KLF8: variants seen among roughly 807,000 people sequenced by gnomAD.
The protein encoded by KLF8 is Krueppel-like factor 8.
In KLF8, 10 loss-of-function variants were observed where a neutral mutation model predicts 18.2. That is an observed-to-expected ratio of 0.55 (90% CI 0.34 to 0.93). KLF8 has a LOEUF of 0.93. KLF8 is among the 40% of genes least tolerant of loss of function. The pLI, the probability that KLF8 is intolerant of heterozygous loss-of-function variation, is 0.02. For missense variants in KLF8, 264 were observed against 277.9 expected, an observed-to-expected ratio of 0.95 and a Z score of 0.36; for synonymous variants, 109 against 97.3, an observed-to-expected ratio of 1.12 and a Z score of -0.71.
the KLF8 span, among the ~76,000 whole-genome samples, chrX:55,981,073 A>C: frequency 8.9e-6 from 1 of 111,744 alleles, no homozygotes; most frequent in Non-Finnish European, 1.9e-5. Flanking sequence ...TGTGCCTATA[A>C]TCCAAGCTAC....
At chrX:55,993,978 T>G in the KLF8 span, among the ~76,000 whole-genome samples, 1 of 105,489 alleles carries the variant, frequency 9.5e-6, no homozygotes, top group African/African-American at 3.5e-5. Context: ...TGGTGCGATC[T>G]CAGCTCACTG....
the KLF8 span, among the ~76,000 whole-genome samples, chrX:55,980,523 T>C: frequency 5.4e-5 from 6 of 112,121 alleles, no homozygotes; most frequent in African/African-American, 1.9e-4. Context: ...ACATCCATTC[T>C]GATTGGTCAG....
chrX:56,214,181 G>A, the KLF8 span, among the ~76,000 whole-genome samples: 1 of 110,824 alleles, frequency 9.0e-6, no homozygotes, highest in Non-Finnish European at 1.9e-5. Flanking sequence ...TGGGGGGTGA[G>A]GGGGGCCAGA....
chrX:56,150,326 C>T, the KLF8 span, among the ~76,000 whole-genome samples: 4 of 111,479 alleles, frequency 3.6e-5, no homozygotes, highest in Non-Finnish European at 7.5e-5. Context: ...TTTCTCCCTG[C>T]CCTAACCTTA....
the KLF8 span, among the ~76,000 whole-genome samples, chrX:56,164,729 C>CTTTTTTTTTTTTTTTTTATTTT: frequency 5.8e-5 from 3 of 51,920 alleles, no homozygotes; most frequent in African/African-American, 1.7e-4. Context: ...CTTGTTATCT[C>CTTTTTTTTTTTTTTTTTATTTT]TTTTTTTTTT....
chrX:56,283,272 C>T (rs978707046), intron 5 of KLF8, among the ~76,000 whole-genome samples: 1 of 112,253 alleles, frequency 8.9e-6, no homozygotes, highest in Non-Finnish European at 1.9e-5. Context: ...CCATTACATG[C>T]CCTTGAGTTT....
chrX:56,152,534 C>A, the KLF8 span, among the ~76,000 whole-genome samples: 1 of 111,034 alleles, frequency 9.0e-6, no homozygotes, highest in South Asian at 3.8e-4. Flanking sequence ...GGAGGGATGG[C>A]AAATACATTG....
chrX:56,136,739 C>A, the KLF8 span, among the ~76,000 whole-genome samples: 5 of 111,040 alleles, frequency 4.5e-5, no homozygotes, highest in Middle Eastern at 4.6e-3. Context: ...GCAACAAAAG[C>A]CAAAATTGAC....
the KLF8 span, among the ~76,000 whole-genome samples, chrX:55,968,472 G>A: frequency 1.8e-5 from 2 of 111,975 alleles, no homozygotes; most frequent in African/African-American, 6.5e-5. Context: ...GATTTTTAAG[G>A]TGAAAAGTAT....
At chrX:55,986,051 G>C in the KLF8 span, among the ~76,000 whole-genome samples, 1 of 111,358 alleles carries the variant, frequency 9.0e-6, no homozygotes, top group Admixed American at 9.6e-5. Flanking sequence ...GAGATGATGC[G>C]GTTTTCTAGA....
the KLF8 span, among the ~76,000 whole-genome samples, chrX:56,159,591 C>T: frequency 8.9e-6 from 1 of 112,260 alleles, no homozygotes; most frequent in Non-Finnish European, 1.9e-5. Flanking sequence ...TTCAGAGATT[C>T]AACTTCTTCC....
chrX:56,283,496 TG>T (rs1479769897), intron 5 of KLF8, among the ~76,000 whole-genome samples: 1 of 111,603 alleles, frequency 9.0e-6, no homozygotes, highest in Non-Finnish European at 1.9e-5. Context: ...CTCAGCCTCC[TG>T]GGTAGCTGGA....
At chrX:56,004,416 G>T in the KLF8 span, among the ~76,000 whole-genome samples, 1 of 112,102 alleles carries the variant, frequency 8.9e-6, no homozygotes, top group Non-Finnish European at 1.9e-5. Context: ...CAAAGAATAA[G>T]AAAACCACAA....
At chrX:56,057,673 G>T in the KLF8 span, among the ~76,000 whole-genome samples, 2 of 111,078 alleles carry the variant, frequency 1.8e-5, no homozygotes, top group African/African-American at 6.6e-5. Flanking sequence ...GAAATTAAGG[G>T]GTGCTCATGT....
At chrX:56,047,970 A>G in the KLF8 span, among the ~76,000 whole-genome samples, 1 of 111,920 alleles carries the variant, frequency 8.9e-6, no homozygotes, top group East Asian at 2.8e-4. Context: ...AACTGGTGTG[A>G]GATGGTATCT....
chrX:56,233,707 A>G (rs752202334), intron 1 of KLF8, among the ~76,000 whole-genome samples: 39 of 112,097 alleles, frequency 3.5e-4, no homozygotes, highest in African/African-American at 1.2e-3. Context: ...CAGAGAGAAC[A>G]GGATTCACAA....
At chrX:56,123,253 AAAAG>A in the KLF8 span, among the ~76,000 whole-genome samples, 42 of 90,050 alleles carry the variant, frequency 4.7e-4, no homozygotes, top group Non-Finnish European at 7.7e-4. Flanking sequence ...AAAAGAAAGA[AAAAG>A]AAAGAAAGAA....
chrX:56,089,429 C>A, the KLF8 span, among the ~76,000 whole-genome samples: 1,097 of 111,926 alleles, frequency 9.8e-3, 7 homozygotes, highest in Middle Eastern at 0.018. Flanking sequence ...AGTCTGTGCA[C>A]CCCCACACCT....
At chrX:56,123,309 G>GAAAGAAAGAAAAGAAAAGA in the KLF8 span, among the ~76,000 whole-genome samples, 65 of 108,154 alleles carry the variant, frequency 6.0e-4, no homozygotes, top group African/African-American at 2.0e-3. Context: ...GAGAAAGAAA[G>GAAAGAAAGAAAAGAAAAGA]AAAGAAAAGA....
Sources: gnomAD v4.1 joint callset for allele counts (sites outside exome capture counted in the v4.1 genomes callset) on GRCh38, gnomAD v4.1.1 for gene constraint, MANE v1.5 for transcripts, NCBI Gene and HGNC (gene_info 2026-07-23, HGNC 2026-07-21) for gene names.